The following VIRMA variants were observed in gnomAD, a reference collection of about 807,000 sequenced individuals.
VIRMA encodes the protein protein virilizer homolog.
A neutral mutation model predicts 182.4 loss-of-function variants in VIRMA; 65 were observed. The ratio of observed to expected loss-of-function variants is 0.36; its 90% confidence interval spans 0.29 to 0.44. The LOEUF (loss-of-function observed/expected upper bound fraction) is 0.44. Among genes scored for constraint, VIRMA ranks in the 20% least tolerant of loss-of-function variants. VIRMA has a pLI of 1.00. For synonymous variants in VIRMA, 709 were observed against 743.1 expected, an observed-to-expected ratio of 0.95 and a Z score of 0.75; for missense variants, 1,752 against 2,158.1, an observed-to-expected ratio of 0.81 and a Z score of 3.73.
chr8:94,545,242 ATTAAAAAGAGAGTTTTCAAATTGT>A (rs1815721136), intron 1 of VIRMA, among the ~76,000 whole-genome samples: 1 of 152,220 alleles, frequency 6.6e-6, no homozygotes, highest in South Asian at 2.1e-4. Flanking sequence ...GTTTTCAATA[ATTAAAAAGAGAGTTTTCAAATTGT>A]TTTTGGACAA....
chr8:94,496,671 A>T (rs1813791199), intron 17 of VIRMA, 191 bp from the exon 18 acceptor site: 1 of 451,420 alleles, frequency 2.2e-6, no homozygotes, highest in Non-Finnish European at 3.8e-6. Flanking sequence ...TAAGACTCAC[A>T]AAATATTTAA....
Position 94,521,912 on chromosome 8 carries a change from C to T in VIRMA, c.2022-2436G>A, listed in dbSNP as rs182265958. On this transcript the variant is annotated intron_variant, in intron 8 of 23. Transcript: ENST00000297591. The stretch of plus-strand genomic sequence containing the variant: ...GGTTAAAATAGCAAGCCTCAGACTG[C>T]ACATCCTTAGAGGTCTGCTTGCAAG... Among the ~76,000 whole-genome samples the T allele has an allele frequency of 1.3e-5, 2 of 152,326 alleles. 1 individual carries two copies. The highest frequency in any genetic ancestry group is 2.9e-5 in the Non-Finnish European group (2 of 68,034).
chr8:94,495,923 G>A, intron 18 of VIRMA, 32 bp from the exon 19 acceptor site: 7 of 1,596,276 alleles, frequency 4.4e-6, no homozygotes, highest in Non-Finnish European at 6.0e-6. Flanking sequence ...ATAAGAAGGT[G>A]CAGGTAAAAC....
intron 1 of VIRMA, among the ~76,000 whole-genome samples, chr8:94,548,374 C>T (rs1271759509): frequency 6.6e-6 from 1 of 151,028 alleles, no homozygotes; most frequent in East Asian, 1.9e-4. Context: ...CGGGTGTATA[C>T]ATTTAAGCAT....
intron 9 of VIRMA, 113 bp downstream of exon 9, chr8:94,518,872 T>G: frequency 1.0e-6 from 1 of 985,558 alleles, no homozygotes; most frequent in Non-Finnish European, 1.5e-6. Flanking sequence ...TTGTGTTATA[T>G]CAAAACTATA....
At chr8:94,505,543 G>A (rs1343344541) in intron 16 of VIRMA, among the ~76,000 whole-genome samples, 1 of 110,958 alleles carries the variant, frequency 9.0e-6, no homozygotes, top group Non-Finnish European at 2.2e-5. Flanking sequence ...CATGATCACT[G>A]CAGCGGCATG....
At chr8:94,537,680 T>A (rs1357614492) in intron 3 of VIRMA, among the ~76,000 whole-genome samples, 1 of 152,172 alleles carries the variant, frequency 6.6e-6, no homozygotes, top group African/African-American at 2.4e-5. Flanking sequence ...AAACAGACAT[T>A]TTCTCATTTT....
At chr8:94,503,435 A>G (rs1388417081) in intron 16 of VIRMA, among the ~76,000 whole-genome samples, 1 of 152,198 alleles carries the variant, frequency 6.6e-6, no homozygotes, top group Non-Finnish European at 1.5e-5. Flanking sequence ...AATAATGTCA[A>G]TCTAATTATG....
chr8:94,507,822 G>A (rs1814212431), intron 15 of VIRMA, among the ~76,000 whole-genome samples: 1 of 151,412 alleles, frequency 6.6e-6, no homozygotes, highest in South Asian at 2.1e-4. Flanking sequence ...GATGGATAGA[G>A]GAGATGAACA....
chr8:94,543,806 T>G, intron 2 of VIRMA, 21 bp downstream of exon 2: 1 of 1,324,694 alleles, frequency 7.5e-7, no homozygotes, highest in Non-Finnish European at 1.1e-6. Context: ...AAAAATACTT[T>G]TAAAAAGAGA....
At chr8:94,545,874 T>C (rs889312632) in intron 1 of VIRMA, among the ~76,000 whole-genome samples, 5 of 151,924 alleles carry the variant, frequency 3.3e-5, no homozygotes, top group Admixed American at 6.6e-5. Flanking sequence ...CTGGGCAATA[T>C]AGGAAGATCC....
intron 15 of VIRMA, among the ~76,000 whole-genome samples, chr8:94,508,036 C>T (rs1034995125): frequency 6.6e-6 from 1 of 151,390 alleles, no homozygotes; most frequent in African/African-American, 2.4e-5. Context: ...TTTTCCAATG[C>T]TAAGCAAGTT....
At chr8:94,518,141 T>TA (rs939896366) in intron 9 of VIRMA, among the ~76,000 whole-genome samples, 199 bp from the exon 10 acceptor site, 1 of 152,126 alleles carries the variant, frequency 6.6e-6, no homozygotes, top group African/African-American at 2.4e-5. Flanking sequence ...TAAAAGTATA[T>TA]AAAAAAGCAT....
At chr8:94,548,502 CTCA>C (rs1250530045) in intron 1 of VIRMA, among the ~76,000 whole-genome samples, 1 of 151,054 alleles carries the variant, frequency 6.6e-6, no homozygotes, top group Non-Finnish European at 1.5e-5. Context: ...AATTAATTCA[CTCA>C]TCAACAGGAA....
At chr8:94,551,680 A>G (rs577338290) in intron 1 of VIRMA, among the ~76,000 whole-genome samples, 1 of 152,342 alleles carries the variant, frequency 6.6e-6, no homozygotes, top group Admixed American at 6.5e-5. Context: ...CTAAACTAGA[A>G]TAGTACTAAA....
chr8:94,548,016 C>G (rs1815834678), intron 1 of VIRMA, among the ~76,000 whole-genome samples: 1 of 151,024 alleles, frequency 6.6e-6, no homozygotes, highest in East Asian at 1.9e-4. Flanking sequence ...ACCTGGGCAA[C>G]AGAGCAAGAC....
chr8:94,506,369 C>G, intron 16 of VIRMA, 131 bp downstream of exon 16: 1 of 605,894 alleles, frequency 1.7e-6, no homozygotes, highest in East Asian at 2.8e-5. Context: ...TCCATACACA[C>G]AAAATTTCTC....
chr8:94,527,893 C>T (rs976048138), intron 7 of VIRMA, among the ~76,000 whole-genome samples: 10 of 152,154 alleles, frequency 6.6e-5, no homozygotes, highest in African/African-American at 2.4e-4. Flanking sequence ...ATTTACCTAT[C>T]ACACAGTTTT....
At chr8:94,530,647 T>C (rs574043896) in intron 6 of VIRMA, among the ~76,000 whole-genome samples, 1 of 152,364 alleles carries the variant, frequency 6.6e-6, no homozygotes, top group Non-Finnish European at 1.5e-5. Flanking sequence ...CCAGGCACGG[T>C]GGCTTATGCC....
Sources: gnomAD v4.1 joint callset for allele counts (sites outside exome capture counted in the v4.1 genomes callset) on GRCh38, gnomAD v4.1.1 for gene constraint, MANE v1.5 for transcripts, NCBI Gene and HGNC (gene_info 2026-07-23, HGNC 2026-07-21) for gene names.